The following SYNE3 variants were observed in gnomAD, a reference collection of about 807,000 sequenced individuals.
The protein encoded by SYNE3 is spectrin repeat containing nuclear envelope family member 3.
In SYNE3, 100 loss-of-function variants were observed where a neutral mutation model predicts 111.2. That is an observed-to-expected ratio of 0.90 (90% CI 0.77 to 1.06). The LOEUF (loss-of-function observed/expected upper bound fraction) is 1.06. Ranked by LOEUF, SYNE3 falls within the 50% of genes least tolerant of loss-of-function variation. The pLI is 0.00. For missense variants in SYNE3, 1,160 were observed against 1,240.3 expected, an observed-to-expected ratio of 0.94 and a Z score of 0.97; for synonymous variants, 547 against 533.9, an observed-to-expected ratio of 1.02 and a Z score of -0.34.
Position 95,417,410 on chromosome 14 carries a change from G to A in SYNE3, c.*416C>T, listed in dbSNP as rs1448160957. ...ACATCTGAATTCTGGGATTCGCTTT[G>A]GAGAAGAGGTTGCCATGAAAGTGAC... On this transcript the variant is annotated 3_prime_UTR_variant, in exon 18 of 18. Coordinates refer to ENST00000682763, the MANE Select transcript of SYNE3 (RefSeq NM_152592.6). The A allele has an allele frequency of 2.8e-5, 7 of 246,136 alleles. No individual in the cohort carries two copies. The East Asian group carries it at 6.3e-4, about 22-fold the overall frequency. 15.2% of individuals were successfully genotyped at this position (246,136 alleles called of 1,614,324 possible). A position where few individuals can be genotyped will look rare whatever the true frequency, so the allele number is the denominator to read the frequency against.
intron 11 of SYNE3, 135 bp downstream of exon 11, chr14:95,443,020 G>A: frequency 8.8e-7 from 1 of 1,133,164 alleles, no homozygotes; most frequent in Non-Finnish European, 1.2e-6. Context: ...AATGAGGAAG[G>A]GAAGAAAACA....
chr14:95,436,121 TC>T (rs936030062), intron 15 of SYNE3, among the ~76,000 whole-genome samples: 42 of 152,106 alleles, frequency 2.8e-4, no homozygotes, highest in Non-Finnish European at 5.7e-4. Context: ...CCCATCTCCC[TC>T]CCCCCAGCCA....
chr14:95,445,847 C>A lies in SYNE3; in HGVS notation c.1632+62G>T. 17 of 1,572,524 alleles carry A rather than the reference C, an allele frequency of 1.1e-5. No homozygotes were observed. The South Asian group carries it at 1.6e-4, about 15-fold the overall frequency. ...TTAGAACATAAGGCCATCTGCCTCC[C>A]CAGTGGGTGCTCCAGCCCCGTGGCC... On this transcript the variant is annotated intron_variant, in intron 9 of 17. Transcript: ENST00000682763.
intron 17 of SYNE3, among the ~76,000 whole-genome samples, chr14:95,427,339 G>A (rs1425052856): frequency 6.6e-6 from 1 of 152,130 alleles, no homozygotes; most frequent in African/African-American, 2.4e-5. Context: ...GGAGTTTAGA[G>A]AAGACTCTAC....
chr14:95,474,857 A>G (rs1888782531), intron 2 of SYNE3, among the ~76,000 whole-genome samples: 1 of 152,138 alleles, frequency 6.6e-6, no homozygotes, highest in Non-Finnish European at 1.5e-5. Flanking sequence ...GCAGCACCCC[A>G]CCCCACACTA....
chr14:95,420,328 GAA>G (rs1324061082), intron 17 of SYNE3, among the ~76,000 whole-genome samples: 1 of 152,260 alleles, frequency 6.6e-6, no homozygotes, highest in East Asian at 1.9e-4. Flanking sequence ...CAGGGAGAGA[GAA>G]AAGGGGCAAG....
In SYNE3 at chr14:95,452,289, G is replaced by A. The variant is rs753889870; in HGVS notation, c.1232C>T (p.Pro411Leu). Residue 411 changes from proline to leucine, a missense_variant, in exon 7 of 18, where the codon CCA becomes CTA. By Grantham distance (98) the Pro-to-Leu change is moderately conservative (BLOSUM62 -3). Transcript: ENST00000682763. ...GGTAGCGATGACACTATCAGAGAGT[G>A]GCTTCAGGTTGTGAGGGAAGACGAT... Reference protein sequence around the residue: ...ELIVFPHNLKPLSDSVIATIQ... With the variant: ...ELIVFPHNLKLLSDSVIATIQ... 16 of 1,613,870 alleles carry A rather than the reference G, an allele frequency of 9.9e-6. No homozygotes were observed. The highest frequency in any genetic ancestry group is 1.7e-4 in the Middle Eastern group (1 of 6,058).
In SYNE3 at chr14:95,455,415, T is replaced by A. The variant is rs947198642; in HGVS notation, c.1099A>T (p.Thr367Ser). The change falls in exon 6 of 18, where the codon ACC (threonine) becomes TCC (serine). Residue 367 changes from threonine to serine, a missense_variant. Transcript: ENST00000682763. Reference sequence around the variant, plus strand: ...CAGTGTGCCACCAGCTCGTCCTCGGTCCCCGCTTTCGCCGCAGGCTGCAGG... The same window carrying A: ...CAGTGTGCCACCAGCTCGTCCTCGGACCCCGCTTTCGCCGCAGGCTGCAGG... ...EGLQPAAKAG[T>S]EDELVAHWRR... 6.4e-7 allele frequency: 1 copy of A among 1,568,010 alleles called. No homozygotes were observed. Among genetic ancestry groups the A allele is most frequent in the African/African-American group, 1.4e-5 (1 of 73,280 alleles).
chr14:95,466,146 G>T lies in SYNE3; in HGVS notation c.412C>A (p.Pro138Thr), dbSNP rs776303712. The T allele has an allele frequency of 6.2e-7, 1 of 1,610,158 alleles. No individual in the cohort carries two copies. Among genetic ancestry groups the T allele is most frequent in the African/African-American group, 1.3e-5 (1 of 74,864 alleles). ...WFQKMMVTLE[P>T]HIELQLGLKE... ...AGGCCCAGCTGGAGCTCGATGTGGG[G>T]CTCCAGTGTGACCATCATCTTCTGG... The change falls in exon 4 of 18, where the codon CCC (proline) becomes ACC (threonine). Residue 138 changes from proline (P) to threonine (T), a missense_variant. Pro to Thr is a conservative substitution (Grantham distance 38, BLOSUM62 -1). Transcript: ENST00000682763.
chr14:95,435,428 C>T (rs1276177987), intron 15 of SYNE3, among the ~76,000 whole-genome samples: 1 of 151,316 alleles, frequency 6.6e-6, no homozygotes, highest in African/African-American at 2.4e-5. Flanking sequence ...GAATGCAAAA[C>T]GAAGAGAGAA....
intron 7 of SYNE3, 83 bp from the exon 8 acceptor site, chr14:95,450,188 A>T: frequency 6.8e-7 from 1 of 1,478,256 alleles, no homozygotes; most frequent in Non-Finnish European, 9.1e-7. Flanking sequence ...AAGACCCTCA[A>T]GAGGCCCAGC....
rs1404688762 is a variant in SYNE3, at chr14:95,413,115, A to C, written c.*4711T>G. 2 of 152,142 alleles carry C rather than the reference A, an allele frequency of 1.3e-5. No homozygotes were observed. The highest frequency in any genetic ancestry group is 2.9e-5 in the Non-Finnish European group (2 of 68,052). 9.4% of individuals were successfully genotyped at this position (152,142 alleles called of 1,614,324 possible). On this transcript the variant is annotated 3_prime_UTR_variant, in exon 18 of 18. Coordinates refer to ENST00000682763, the MANE Select transcript of SYNE3 (RefSeq NM_152592.6). ...CTCAGAGGAAAGTTGGGAACCATGA[A>C]GGCACAGCCTGCCATTCCCATTCTC...
chr14:95,512,646 A>T (rs981416368), intron 1 of SYNE3, among the ~76,000 whole-genome samples: 1 of 151,830 alleles, frequency 6.6e-6, no homozygotes, highest in African/African-American at 2.4e-5. Flanking sequence ...AGGTCAGGAG[A>T]TCAAGACCAT....
Position 95,485,489 on chromosome 14 carries a change from C to G in SYNE3, c.-14-9654G>C, listed in dbSNP as rs77567422. 2.3e-3 allele frequency among the ~76,000 whole-genome samples: 348 copies of G among 152,246 alleles called. No individual in the cohort carries two copies. Among genetic ancestry groups the G allele is most frequent in the African/African-American group, 8.0e-3 (333 of 41,536 alleles). On this transcript the variant is annotated intron_variant, in intron 1 of 17. Coordinates refer to ENST00000682763, the MANE Select transcript of SYNE3 (RefSeq NM_152592.6). The surrounding 1 kb of genome is among the most constrained non-coding windows in gnomAD (Gnocchi z 4.3). ...TAAACTGAGAGAGTCGGCTGCTCCC[C>G]GACCAAAGACAGGACGCCCTAACCT...
chr14:95,516,449 G>A (rs901271528), intron 1 of SYNE3, among the ~76,000 whole-genome samples, 147 bp downstream of exon 1: 1 of 151,146 alleles, frequency 6.6e-6, no homozygotes, highest in Non-Finnish European at 1.5e-5. Flanking sequence ...CGCGCCGGGC[G>A]CGCCTCCCCA....
In SYNE3 at chr14:95,455,647, G is replaced by A. The variant is rs770915322; in HGVS notation, c.867C>T (p.Asn289=). ...TCTTCTCTGCACCCAAAGGAGAGGT[G>A]TTCCGAATGACACCCGCAGACTGCT... ...LEEQSAGVIR[N]TSPLGAEKIT... is the part of the protein sequence containing the mutation. The change falls in exon 6 of 18, where the codon AAC becomes AAT. Residue 289 remains asparagine, a synonymous_variant. Coordinates refer to ENST00000682763, the MANE Select transcript of SYNE3 (RefSeq NM_152592.6). The A allele has an allele frequency of 9.9e-6, 16 of 1,614,084 alleles. No homozygotes were observed. In the African/African-American group the frequency reaches 1.3e-4, roughly 13 times the overall value.
At position 95,439,092 on chromosome 14, in the gene SYNE3, T is replaced by A; in HGVS notation, c.2317A>T (p.Ile773Phe). The change falls in exon 14 of 18, where the codon ATC becomes TTC. Residue 773 changes from isoleucine to phenylalanine, a missense_variant. Transcript: ENST00000682763. ...TTGATGAGAAATCCTGACTTTGGGA[T>A]GTTGTTGGTGAAAACCATTTTCTTC... ...SGKKMVFTNN[I>F]PKSGFLINPM... The A allele has an allele frequency of 6.2e-7, 1 of 1,614,260 alleles. No individual in the cohort carries two copies. The highest frequency in any genetic ancestry group is 8.5e-7 in the Non-Finnish European group (1 of 1,180,044).
intron 7 of SYNE3, chr14:95,451,679 A>G (rs1887087841): frequency 6.6e-6 from 1 of 152,308 alleles, no homozygotes; most frequent in African/African-American, 2.4e-5. Flanking sequence ...GAGATGCACG[A>G]CAGCTGCGTG....
At chr14:95,447,234 C>A (rs985604625) in intron 8 of SYNE3, among the ~76,000 whole-genome samples, 1 of 151,266 alleles carries the variant, frequency 6.6e-6, no homozygotes, top group African/African-American at 2.4e-5. Flanking sequence ...CCTGGGTTCA[C>A]GCCATTCTCC....
Sources: gnomAD v4.1 joint callset for allele counts (sites outside exome capture counted in the v4.1 genomes callset) on GRCh38, gnomAD v4.1.1 for gene constraint, Gnocchi (gnomAD v3.1) non-coding constraint, MANE v1.5 for transcripts, NCBI Gene and HGNC (gene_info 2026-07-23, HGNC 2026-07-21) for gene names.